The following OXSR1 variants were observed in gnomAD, a reference collection of about 807,000 sequenced individuals.
OXSR1 encodes serine/threonine-protein kinase OSR1.
OXSR1 carries 24 observed loss-of-function variants against 79.8 expected under a neutral mutation model. That is an observed-to-expected ratio of 0.30 (90% confidence interval 0.22 to 0.42). The LOEUF is 0.42. Ranked by LOEUF, OXSR1 falls within the 10% of genes least tolerant of loss-of-function variation. The probability of loss-of-function intolerance (pLI) is 1.00; values close to 1 mark genes in which losing one functional copy is unlikely to be tolerated. For synonymous variants in OXSR1, 226 were observed against 209.2 expected, an observed-to-expected ratio of 1.08 and a Z score of -0.69; for missense variants, 430 against 618.4, an observed-to-expected ratio of 0.70 and a Z score of 3.23.
chr3:38,206,498 T>TAA (rs1175334961), intron 4 of OXSR1, among the ~76,000 whole-genome samples: 14 of 136,326 alleles, frequency 1.0e-4, no homozygotes, highest in African/African-American at 2.7e-4. Flanking sequence ...ATTGCATTCT[T>TAA]AAAAAAAAAA....
At chr3:38,233,003 A>G (rs2125844363) in intron 10 of OXSR1, among the ~76,000 whole-genome samples, 1 of 152,278 alleles carries the variant, frequency 6.6e-6, no homozygotes, top group Middle Eastern at 3.4e-3. Flanking sequence ...TCCAGAAATG[A>G]GAGTGAAAGT....
intron 2 of OXSR1, among the ~76,000 whole-genome samples, chr3:38,186,549 A>G (rs1438140253): frequency 6.6e-6 from 1 of 152,288 alleles, no homozygotes; most frequent in South Asian, 2.1e-4. Context: ...ATTTCATATA[A>G]ATAGGTTCAT....
intron 1 of OXSR1, among the ~76,000 whole-genome samples, chr3:38,180,275 AGTT>A (rs1701757948): frequency 6.6e-6 from 1 of 152,128 alleles, no homozygotes; most frequent in African/African-American, 2.4e-5. Flanking sequence ...GTGCAGTTCA[AGTT>A]CACATTGTTC....
intron 13 of OXSR1, among the ~76,000 whole-genome samples, chr3:38,246,777 T>C (rs532626155): frequency 3.6e-4 from 55 of 152,272 alleles, no homozygotes; most frequent in African/African-American, 1.3e-3. Context: ...GAAGGCCCCG[T>C]AGTGGGCTGC....
At chr3:38,173,414 C>T (rs1464889299) in intron 1 of OXSR1, among the ~76,000 whole-genome samples, 2 of 152,128 alleles carry the variant, frequency 1.3e-5, no homozygotes, top group Admixed American at 1.3e-4. Context: ...TCAGGTAGTT[C>T]TTATTTCTAG....
At chr3:38,230,275 A>G in intron 9 of OXSR1, 90 bp from the exon 10 acceptor site, 2 of 792,032 alleles carry the variant, frequency 2.5e-6, no homozygotes, top group Admixed American at 2.1e-5. Flanking sequence ...CAGTTACTAT[A>G]TCACATTTTG....
intron 6 of OXSR1, 25 bp from the exon 7 acceptor site, chr3:38,223,787 A>G: frequency 4.5e-6 from 7 of 1,543,514 alleles, no homozygotes; most frequent in Non-Finnish European, 6.3e-6. Flanking sequence ...GCTGGTAAAA[A>G]TAATCATGCA....
At chr3:38,224,077 C>T (rs539614036) in intron 7 of OXSR1, among the ~76,000 whole-genome samples, 164 bp downstream of exon 7, 7 of 152,152 alleles carry the variant, frequency 4.6e-5, no homozygotes, top group African/African-American at 7.2e-5. Flanking sequence ...GTATTAAATG[C>T]GTTCATCACG....
chr3:38,215,298 G>GT (rs1559515735), intron 4 of OXSR1, among the ~76,000 whole-genome samples: 1 of 152,066 alleles, frequency 6.6e-6, no homozygotes, highest in Non-Finnish European at 1.5e-5. Flanking sequence ...ACTAGTTTTT[G>GT]TTTTTTATTA....
intron 2 of OXSR1, among the ~76,000 whole-genome samples, chr3:38,183,885 A>C (rs1447878904): frequency 6.6e-6 from 1 of 152,186 alleles, no homozygotes; most frequent in Non-Finnish European, 1.5e-5. Flanking sequence ...TTTTAAAATT[A>C]CTTATTATTG....
chr3:38,251,432 A>G lies in OXSR1; in HGVS notation c.1405A>G (p.Ile469Val), dbSNP rs1472548142. Residue 469 changes from isoleucine to valine, a missense_variant, in exon 16 of 18, where the codon ATT becomes GTT. Ile to Val is a conservative substitution (Grantham distance 29). Around this residue, in one of 3 missense-constraint regions of OXSR1, gnomAD observed 276 missense variants for 354.2 expected, o/e 0.78. Coordinates refer to ENST00000311806, the MANE Select transcript of OXSR1 (RefSeq NM_005109.3). ...AGCAGAGGGTGTCTCTCAGGAACTC[A>G]TTTCTGCTGGCCTGGTCGACGGAAG... ...DTAEGVSQEL[I>V]SAGLVDGRDL... 2 of 1,613,490 alleles carry G rather than the reference A, an allele frequency of 1.2e-6. No individual in the cohort carries two copies. The highest frequency in any genetic ancestry group is 4.5e-5 in the East Asian group (2 of 44,872).
In OXSR1 at chr3:38,217,840, A is replaced by G. The variant is rs145298431; in HGVS notation, c.490+1689A>G. ...CCTTTCTGTCTCCATGAATTTGACT[A>G]CTTTAAGTACCTAAGTGAACTCATA... On this transcript the variant is annotated intron_variant, in intron 5 of 17. Coordinates refer to ENST00000311806, the MANE Select transcript of OXSR1 (RefSeq NM_005109.3). Among the ~76,000 whole-genome samples the G allele has an allele frequency of 1.5e-3, 233 of 152,232 alleles. 8 individuals carry two copies. The East Asian group carries it at 0.038, about 25-fold the overall frequency.
At chr3:38,206,120 A>C (rs1035185574) in intron 4 of OXSR1, among the ~76,000 whole-genome samples, 1 of 152,234 alleles carries the variant, frequency 6.6e-6, no homozygotes, top group Admixed American at 6.5e-5. Context: ...TAATTTTGAC[A>C]CAAGAAACTT....
intron 5 of OXSR1, 116 bp downstream of exon 5, chr3:38,216,267 C>A (rs1702481045): frequency 1.5e-6 from 1 of 658,926 alleles, no homozygotes. Flanking sequence ...TCTATTCAAG[C>A]ATCCTCTGTT....
intron 8 of OXSR1, among the ~76,000 whole-genome samples, 162 bp from the exon 9 acceptor site, chr3:38,229,525 A>C (rs1310991899): frequency 6.6e-6 from 1 of 152,102 alleles, no homozygotes; most frequent in African/African-American, 2.4e-5. Flanking sequence ...GTCCTGTATC[A>C]AGTTTATTTT....
intron 10 of OXSR1, 98 bp downstream of exon 10, chr3:38,230,528 T>TA: frequency 1.2e-6 from 1 of 805,560 alleles, no homozygotes; most frequent in Non-Finnish European, 2.1e-6. Context: ...ATATGAGAAT[T>TA]ACTGGTTTTC....
intron 10 of OXSR1, among the ~76,000 whole-genome samples, chr3:38,235,576 A>G (rs1461254644): frequency 6.6e-6 from 1 of 152,210 alleles, no homozygotes; most frequent in Non-Finnish European, 1.5e-5. Context: ...ATTAATGAAA[A>G]TAGACTAATG....
intron 4 of OXSR1, among the ~76,000 whole-genome samples, chr3:38,202,264 G>A (rs1261826651): frequency 6.6e-6 from 1 of 152,222 alleles, no homozygotes; most frequent in African/African-American, 2.4e-5. Context: ...GATTGTCTCT[G>A]TGATTGTTAA....
chr3:38,193,975 A>G (rs1702029671), intron 3 of OXSR1, among the ~76,000 whole-genome samples: 1 of 152,210 alleles, frequency 6.6e-6, no homozygotes, highest in Admixed American at 6.6e-5. Flanking sequence ...CTGAGATGAA[A>G]CGTTAGGCAA....
Sources: allele counts gnomAD v4.1 joint callset (sites outside exome capture counted in the v4.1 genomes callset), GRCh38; gene constraint gnomAD v4.1.1; regional missense constraint gnomAD v4.1.1; transcripts MANE v1.5; gene names NCBI Gene and HGNC (gene_info 2026-07-23, HGNC 2026-07-21).